Variants in DPYSL5 observed in about 807,000 individuals in gnomAD.
The protein encoded by DPYSL5 is dihydropyrimidinase-related protein 5.
Under a neutral mutation model 58.4 loss-of-function variants are expected in DPYSL5, and 9 were observed. The ratio of observed to expected loss-of-function variants is 0.15; its 90% CI spans 0.09 to 0.27. The LOEUF is 0.27. Ranked by LOEUF, DPYSL5 falls within the 10% of genes least tolerant of loss-of-function variation. The pLI, the probability that DPYSL5 is intolerant of heterozygous loss-of-function variation, is 1.00. For missense variants in DPYSL5, 499 were observed against 770.6 expected, an observed-to-expected ratio of 0.65 and a Z score of 4.17; for synonymous variants, 293 against 301.9, an observed-to-expected ratio of 0.97 and a Z score of 0.31.
chr2:26,904,291 T>A (rs984748023), intron 2 of DPYSL5, among the ~76,000 whole-genome samples: 1 of 152,228 alleles, frequency 6.6e-6, no homozygotes, highest in Non-Finnish European at 1.5e-5. Flanking sequence ...GGATCCTGTT[T>A]GTCCGCTTGG....
At chr2:26,873,552 T>C (rs1256881315) in intron 1 of DPYSL5, among the ~76,000 whole-genome samples, 1 of 152,138 alleles carries the variant, frequency 6.6e-6, no homozygotes, top group Non-Finnish European at 1.5e-5. Context: ...GGACAAAATA[T>C]TAACTGGCCA....
chr2:26,888,209 T>TTTTCTTTCTTTC (rs70953832), intron 1 of DPYSL5, among the ~76,000 whole-genome samples: 1,570 of 105,074 alleles, frequency 0.015, 40 homozygotes, highest in Middle Eastern at 0.039. Flanking sequence ...CTTCCCTTTC[T>TTTTCTTTCTTTC]TTTCTTTCTT....
chr2:26,941,062 G>A (rs1233498560), intron 9 of DPYSL5, among the ~76,000 whole-genome samples: 3 of 151,810 alleles, frequency 2.0e-5, no homozygotes, highest in Middle Eastern at 3.4e-3. Flanking sequence ...TCAGCCTCCC[G>A]AGTAGCTGGG....
chr2:26,936,486 G>A (rs972356710), intron 8 of DPYSL5, among the ~76,000 whole-genome samples: 3 of 152,238 alleles, frequency 2.0e-5, no homozygotes, highest in Non-Finnish European at 1.5e-5. Context: ...GGTGGCCTCT[G>A]TGGAGGGCAG....
intron 6 of DPYSL5, among the ~76,000 whole-genome samples, chr2:26,932,121 AAG>A (rs1451906755): frequency 4.1e-5 from 6 of 146,002 alleles, no homozygotes; most frequent in African/African-American, 1.1e-4. Context: ...AGAAAAAAGA[AAG>A]AGAAAGAAAG....
At chr2:26,922,044 T>C (rs1337259611) in intron 2 of DPYSL5, among the ~76,000 whole-genome samples, 1 of 152,100 alleles carries the variant, frequency 6.6e-6, no homozygotes, top group Non-Finnish European at 1.5e-5. Context: ...CTCCAACAAC[T>C]TGTACCCCTG....
chr2:26,907,200 C>T (rs562065167), intron 2 of DPYSL5, among the ~76,000 whole-genome samples: 10 of 152,126 alleles, frequency 6.6e-5, no homozygotes, highest in East Asian at 5.8e-4. Flanking sequence ...CTGCAACCTC[C>T]GCCTCCTGGG....
chr2:26,880,053 G>C (rs748857233), intron 1 of DPYSL5, among the ~76,000 whole-genome samples: 6 of 151,920 alleles, frequency 3.9e-5, no homozygotes, highest in Non-Finnish European at 7.4e-5. Flanking sequence ...ACCACACCCA[G>C]CTAACTTTTG....
chr2:26,925,599 C>T lies in DPYSL5; in HGVS notation c.420+554C>T, dbSNP rs1160460152. ...CTGGTCTGTGACTGAGGCTGGCACCCCCTGAGCCTTTCTCAGTTCAGCCTC... is the reference window on the plus strand; with the variant it reads ...CTGGTCTGTGACTGAGGCTGGCACCTCCTGAGCCTTTCTCAGTTCAGCCTC... On this transcript the variant is annotated intron_variant, in intron 3 of 12. Transcript: ENST00000288699. This position sits in a 1 kb window ranked among gnomAD's most constrained non-coding sequence, Gnocchi z 4.5. Among the ~76,000 whole-genome samples the T allele has an allele frequency of 6.6e-6, 1 of 152,174 alleles. No individual in the cohort carries two copies. The highest frequency in any genetic ancestry group is 1.9e-4 in the East Asian group (1 of 5,190).
At chr2:26,869,173 C>T (rs1663194817) in intron 1 of DPYSL5, among the ~76,000 whole-genome samples, 1 of 152,194 alleles carries the variant, frequency 6.6e-6, no homozygotes, top group Non-Finnish European at 1.5e-5. Context: ...CCATGTTGCC[C>T]AGGTGGATTT....
chr2:26,932,189 A>AAGAAAGACAGAC (rs1553321124), intron 6 of DPYSL5, among the ~76,000 whole-genome samples: 3 of 72,064 alleles, frequency 4.2e-5, no homozygotes, highest in African/African-American at 1.5e-4. Flanking sequence ...GAAAGAAAGA[A>AAGAAAGACAGAC]AGAAAGAAAG....
chr2:26,930,697 G>T (rs542364423), intron 5 of DPYSL5, among the ~76,000 whole-genome samples: 1 of 151,952 alleles, frequency 6.6e-6, no homozygotes, highest in Non-Finnish European at 1.5e-5. Flanking sequence ...AGCATGGGCC[G>T]GGCATGGTGG....
intron 1 of DPYSL5, among the ~76,000 whole-genome samples, chr2:26,856,035 A>G (rs1036155459): frequency 1.3e-5 from 2 of 152,214 alleles, no homozygotes; most frequent in African/African-American, 4.8e-5. Flanking sequence ...ATACACATAC[A>G]TGAAACAGTC....
chr2:26,902,679 G>A (rs978083554), intron 2 of DPYSL5, among the ~76,000 whole-genome samples: 2 of 152,174 alleles, frequency 1.3e-5, no homozygotes, highest in Non-Finnish European at 2.9e-5. Context: ...GTAAAATGAG[G>A]CTAAGACCTA....
intron 1 of DPYSL5, among the ~76,000 whole-genome samples, chr2:26,882,605 A>T (rs1663603659): frequency 6.6e-6 from 1 of 152,140 alleles, no homozygotes; most frequent in Admixed American, 6.5e-5. Flanking sequence ...ATTTTTAATT[A>T]TAAGAGCAAT....
intron 1 of DPYSL5, among the ~76,000 whole-genome samples, chr2:26,878,308 A>G (rs1053180501): frequency 1.4e-4 from 21 of 152,050 alleles, no homozygotes; most frequent in Non-Finnish European, 2.5e-4. Context: ...CTTGTGGGTT[A>G]CCTATTCTTA....
Position 26,898,316 on chromosome 2 carries a change from C to G in DPYSL5, c.-4-180C>G, listed in dbSNP as rs1171687737. On this transcript the variant is annotated intron_variant, in intron 1 of 12. Coordinates refer to ENST00000288699, the MANE Select transcript of DPYSL5 (RefSeq NM_020134.4). The surrounding 1 kb of genome is among the most constrained non-coding windows in gnomAD (Gnocchi z 6.1). Reference sequence around the variant, plus strand: ...CCTTACTGCAGCTGTGTCCTGATTCCTAATAAGTCCCTCTGGGAAGCCAGT... The same window carrying G: ...CCTTACTGCAGCTGTGTCCTGATTCGTAATAAGTCCCTCTGGGAAGCCAGT... 6.6e-6 allele frequency among the ~76,000 whole-genome samples: 1 copy of G among 152,110 alleles called. No homozygotes were observed. The highest frequency in any genetic ancestry group is 2.4e-5 in the African/African-American group (1 of 41,428).
intron 5 of DPYSL5, among the ~76,000 whole-genome samples, chr2:26,931,167 A>ATGTGTGTGTG (rs1320040908): frequency 8.5e-4 from 46 of 54,350 alleles, no homozygotes; most frequent in Admixed American, 1.2e-3. Context: ...ATATATATAT[A>ATGTGTGTGTG]TATGTGTGTG....
intron 2 of DPYSL5, among the ~76,000 whole-genome samples, chr2:26,923,011 C>T (rs1283687726): frequency 6.6e-6 from 1 of 152,208 alleles, no homozygotes; most frequent in Non-Finnish European, 1.5e-5. Flanking sequence ...TGAGAGTTTT[C>T]ATTTTAATTG....
Sources: gnomAD v4.1 joint callset for allele counts (sites outside exome capture counted in the v4.1 genomes callset) on GRCh38, gnomAD v4.1.1 for gene constraint, Gnocchi (gnomAD v3.1) non-coding constraint, MANE v1.5 for transcripts, NCBI Gene and HGNC (gene_info 2026-07-23, HGNC 2026-07-21) for gene names.